Variants in MYRIP observed in about 807,000 individuals in gnomAD.
The protein encoded by MYRIP is rab effector MyRIP.
MYRIP carries 49 observed loss-of-function variants against 98.0 expected under a neutral mutation model. The ratio of observed to expected loss-of-function variants is 0.50; its 90% CI spans 0.40 to 0.63. The LOEUF (loss-of-function observed/expected upper bound fraction) is 0.63. Ranked by LOEUF, MYRIP falls within the 30% of genes least tolerant of loss-of-function variation. The probability of loss-of-function intolerance (pLI) is 0.00; values close to 1 mark genes in which losing one functional copy is unlikely to be tolerated. For missense variants in MYRIP, 1,004 were observed against 1,058.2 expected (o/e 0.95, Z 0.71); for synonymous variants, 404 against 409.5 (o/e 0.99, Z 0.16).
chr3:39,996,929 G>A (rs1257671060), intron 2 of MYRIP, among the ~76,000 whole-genome samples: 1 of 152,172 alleles, frequency 6.6e-6, no homozygotes, highest in East Asian at 1.9e-4. Context: ...GCTCCTGAAT[G>A]ACTACTGGGT....
chr3:40,029,124 G>T (rs962953201), intron 2 of MYRIP, among the ~76,000 whole-genome samples: 1 of 152,040 alleles, frequency 6.6e-6, no homozygotes, highest in Non-Finnish European at 1.5e-5. Flanking sequence ...CTGAGATATC[G>T]ATATAAGCCA....
chr3:40,233,406 G>T (rs1559468263), intron 11 of MYRIP, among the ~76,000 whole-genome samples: 1 of 152,054 alleles, frequency 6.6e-6, no homozygotes, highest in Non-Finnish European at 1.5e-5. Flanking sequence ...CTTGACCAAG[G>T]TCCCATAACT....
chr3:40,177,543 A>G (rs1383578431), intron 8 of MYRIP, among the ~76,000 whole-genome samples: 1 of 152,130 alleles, frequency 6.6e-6, no homozygotes, highest in Non-Finnish European at 1.5e-5. Context: ...ATTCATCCCC[A>G]TCCAGATGGG....
At chr3:39,908,197 G>T (rs897832976) in intron 2 of MYRIP, among the ~76,000 whole-genome samples, 9 of 152,194 alleles carry the variant, frequency 5.9e-5, no homozygotes, top group Non-Finnish European at 1.0e-4. Context: ...TGGGCCAGGG[G>T]AAGGAAGGGA....
chr3:39,829,495 A>G (rs1333105066), intron 1 of MYRIP, among the ~76,000 whole-genome samples: 1 of 152,096 alleles, frequency 6.6e-6, no homozygotes, highest in Non-Finnish European at 1.5e-5. Flanking sequence ...CTTGTAGTCC[A>G]CACTAAAGAT....
intron 2 of MYRIP, among the ~76,000 whole-genome samples, chr3:39,976,210 A>T (rs1945746307): frequency 6.6e-6 from 1 of 151,434 alleles, no homozygotes; most frequent in South Asian, 2.1e-4. Context: ...AAAGAAAAAA[A>T]AACCCCATCA....
At chr3:39,909,018 T>A (rs1334101831) in intron 2 of MYRIP, among the ~76,000 whole-genome samples, 2 of 152,184 alleles carry the variant, frequency 1.3e-5, no homozygotes, top group Non-Finnish European at 2.9e-5. Flanking sequence ...GGTAGTTCCT[T>A]CGATGGGATT....
intron 2 of MYRIP, among the ~76,000 whole-genome samples, chr3:40,035,957 C>G (rs1051378906): frequency 6.6e-6 from 1 of 151,636 alleles, no homozygotes; most frequent in African/African-American, 2.4e-5. Flanking sequence ...GAAGTACTTA[C>G]CCAGAATGTA....
intron 3 of MYRIP, among the ~76,000 whole-genome samples, chr3:40,149,900 T>G (rs552403299): frequency 1.2e-3 from 177 of 152,300 alleles, no homozygotes; most frequent in Middle Eastern, 0.01. Flanking sequence ...CAACTAAATG[T>G]GGGATTGTTC....
At chr3:40,222,566 C>G (rs1051527258) in intron 11 of MYRIP, among the ~76,000 whole-genome samples, 1 of 151,478 alleles carries the variant, frequency 6.6e-6, no homozygotes, top group African/African-American at 2.4e-5. Flanking sequence ...GTCCCCCTAC[C>G]CCCCACCCCC....
intron 3 of MYRIP, among the ~76,000 whole-genome samples, chr3:40,087,559 G>A (rs1339478048): frequency 2.0e-5 from 3 of 152,166 alleles, no homozygotes; most frequent in African/African-American, 7.2e-5. Flanking sequence ...CAAAGCAAGA[G>A]GGCTAGTCTG....
intron 2 of MYRIP, among the ~76,000 whole-genome samples, chr3:39,951,402 A>G (rs116517565): frequency 1.7e-4 from 26 of 152,188 alleles, no homozygotes; most frequent in Non-Finnish European, 2.9e-4. Flanking sequence ...AAGTAAATCT[A>G]AAGTGCATTC....
chr3:40,086,517 A>C (rs940292259), intron 3 of MYRIP, among the ~76,000 whole-genome samples: 2 of 152,242 alleles, frequency 1.3e-5, no homozygotes, highest in African/African-American at 4.8e-5. Context: ...CCACCAGGGC[A>C]GACCTTGCTG....
chr3:39,830,293 C>T (rs1046935830), intron 1 of MYRIP, among the ~76,000 whole-genome samples: 9 of 152,138 alleles, frequency 5.9e-5, no homozygotes, highest in East Asian at 3.9e-4. Flanking sequence ...TCCATACCTG[C>T]GTTTAGGATG....
chr3:39,970,592 C>T (rs151063212), intron 2 of MYRIP, among the ~76,000 whole-genome samples: 1 of 152,230 alleles, frequency 6.6e-6, no homozygotes, highest in East Asian at 1.9e-4. Flanking sequence ...TAGTAAACTA[C>T]CCCAGTTTGA....
intron 10 of MYRIP, among the ~76,000 whole-genome samples, chr3:40,202,265 A>G (rs921033605): frequency 1.3e-5 from 2 of 152,182 alleles, no homozygotes; most frequent in African/African-American, 2.4e-5. Context: ...AAGGTGGAGA[A>G]AGCCCAGAGC....
At position 39,986,134 on chromosome 3, in the gene MYRIP, C is replaced by G. The variant is rs534496868; in HGVS notation, c.111-57916C>G. Reference sequence around the variant, plus strand: ...TATTACTCACACCTCTATTTCTGCACAAATTGATATTACTATTACTTGCTA... The same window carrying G: ...TATTACTCACACCTCTATTTCTGCAGAAATTGATATTACTATTACTTGCTA... On this transcript the variant is annotated intron_variant, in intron 2 of 16. Transcript: ENST00000302541. Among the ~76,000 whole-genome samples the G allele has an allele frequency of 4.6e-5, 7 of 152,236 alleles. No homozygotes were observed. The East Asian group carries it at 7.7e-4, about 17-fold the overall frequency.
At chr3:40,118,415 C>T (rs1261359919) in intron 3 of MYRIP, among the ~76,000 whole-genome samples, 2 of 152,082 alleles carry the variant, frequency 1.3e-5, no homozygotes, top group African/African-American at 4.8e-5. Context: ...CCCTGAAGCA[C>T]TGACGTAATA....
chr3:39,959,021 G>C lies in MYRIP; in HGVS notation c.110+58095G>C, dbSNP rs1355002441. Among the ~76,000 whole-genome samples the C allele has an allele frequency of 2.6e-5, 4 of 152,180 alleles. No homozygotes were observed. The South Asian group carries it at 6.2e-4, about 24-fold the overall frequency. On this transcript the variant is annotated intron_variant, in intron 2 of 16. Coordinates refer to ENST00000302541, the MANE Select transcript of MYRIP (RefSeq NM_015460.4). ...AGAATGGCAATCATTAAAAAGTCAG[G>C]AAACAACAGGTGCTGGAGAGGATGT...
Sources: allele counts gnomAD v4.1 joint callset (sites outside exome capture counted in the v4.1 genomes callset), GRCh38; gene constraint gnomAD v4.1.1; transcripts MANE v1.5; gene names NCBI Gene and HGNC (gene_info 2026-07-23, HGNC 2026-07-21).